VAT1L: variants seen among roughly 807,000 people sequenced by gnomAD.
The protein encoded by VAT1L is putative NADPH-dependent quinone oxidoreductase VAT1L.
In VAT1L, 34 loss-of-function variants were observed where a neutral mutation model predicts 44.1. That is an observed-to-expected ratio of 0.77 (90% CI 0.59 to 1.03). VAT1L has a LOEUF of 1.03. Among genes scored for constraint, VAT1L ranks in the 50% least tolerant of loss-of-function variants. The pLI is 0.00. For synonymous variants in VAT1L, 253 were observed against 202.2 expected (o/e 1.25, Z -2.13); for missense variants, 615 against 538.8 (o/e 1.14, Z -1.40).
intron 7 of VAT1L, among the ~76,000 whole-genome samples, chr16:77,890,230 G>A (rs2017250351): frequency 6.6e-6 from 1 of 152,042 alleles, no homozygotes; most frequent in African/African-American, 2.4e-5. Flanking sequence ...GGCACAGCAT[G>A]AACAACATCA....
intron 3 of VAT1L, among the ~76,000 whole-genome samples, chr16:77,826,649 T>C (rs1467208978): frequency 1.3e-5 from 2 of 152,180 alleles, no homozygotes; most frequent in Non-Finnish European, 2.9e-5. Context: ...TCAGTGTATA[T>C]TGCATGCCTG....
intron 7 of VAT1L, among the ~76,000 whole-genome samples, chr16:77,893,113 C>T (rs772561969): frequency 7.2e-5 from 11 of 152,222 alleles, no homozygotes; most frequent in Non-Finnish European, 1.6e-4. Context: ...GAAATAAAAA[C>T]TAAATAACAA....
At chr16:77,968,454 G>C (rs577564695) in intron 7 of VAT1L, among the ~76,000 whole-genome samples, 1 of 152,280 alleles carries the variant, frequency 6.6e-6, no homozygotes, top group South Asian at 2.1e-4. Flanking sequence ...GGCTGGGCGC[G>C]GTGGCTCACG....
intron 7 of VAT1L, among the ~76,000 whole-genome samples, chr16:77,885,398 G>A (rs574187483): frequency 3.9e-5 from 6 of 152,256 alleles, no homozygotes; most frequent in African/African-American, 1.4e-4. Context: ...AGCATGAACT[G>A]GTTGTATTGG....
intron 8 of VAT1L, among the ~76,000 whole-genome samples, chr16:77,973,599 C>T (rs2018303631): frequency 6.8e-6 from 1 of 148,098 alleles, no homozygotes; most frequent in African/African-American, 2.5e-5. Flanking sequence ...TTATCTTTAA[C>T]AGAAAAAATA....
At chr16:77,799,302 C>G (rs1378656116) in intron 1 of VAT1L, among the ~76,000 whole-genome samples, 3 of 150,800 alleles carry the variant, frequency 2.0e-5, no homozygotes, top group Non-Finnish European at 4.4e-5. Context: ...CTCTCCTTCC[C>G]TTCTTTTCCC....
intron 1 of VAT1L, among the ~76,000 whole-genome samples, chr16:77,808,603 TG>T (rs1451726586): frequency 6.6e-6 from 1 of 152,134 alleles, no homozygotes; most frequent in African/African-American, 2.4e-5. Context: ...TTTTTGTTTT[TG>T]TTTTTTTTGA....
chr16:77,807,198 T>G (rs1432163308), intron 1 of VAT1L, among the ~76,000 whole-genome samples: 1 of 152,174 alleles, frequency 6.6e-6, no homozygotes, highest in Non-Finnish European at 1.5e-5. Flanking sequence ...GAGATCACAC[T>G]ACTCTTCTTG....
intron 3 of VAT1L, among the ~76,000 whole-genome samples, chr16:77,849,840 C>G (rs2016791367): frequency 6.6e-6 from 1 of 152,214 alleles, no homozygotes; most frequent in Non-Finnish European, 1.5e-5. Flanking sequence ...AACAGAACCT[C>G]AGCCGCAGGA....
chr16:77,849,312 A>G (rs2016786320), intron 3 of VAT1L, among the ~76,000 whole-genome samples: 1 of 152,254 alleles, frequency 6.6e-6, no homozygotes, highest in Non-Finnish European at 1.5e-5. Flanking sequence ...TGAAAGGAAC[A>G]GGGCGTTGCA....
chr16:77,971,276 A>G (rs375167622), intron 7 of VAT1L, among the ~76,000 whole-genome samples: 2 of 152,202 alleles, frequency 1.3e-5, no homozygotes, highest in African/African-American at 4.8e-5. Flanking sequence ...CAAGCCCCCA[A>G]CATTTGAAAA....
intron 3 of VAT1L, among the ~76,000 whole-genome samples, chr16:77,845,434 T>C (rs1274044589): frequency 6.6e-6 from 1 of 152,134 alleles, no homozygotes; most frequent in Non-Finnish European, 1.5e-5. Flanking sequence ...GCTTTGTTGT[T>C]CACAGGGGTA....
chr16:77,972,204 C>T (rs2018286198), intron 8 of VAT1L, among the ~76,000 whole-genome samples: 1 of 152,228 alleles, frequency 6.6e-6, no homozygotes, highest in Non-Finnish European at 1.5e-5. Flanking sequence ...CTGTCTATTA[C>T]AGCTGCTAGC....
chr16:77,903,715 A>G, intron 7 of VAT1L, among the ~76,000 whole-genome samples: 1 of 149,036 alleles, frequency 6.7e-6, no homozygotes, highest in East Asian at 2.0e-4. Context: ...TGCCAAAGTA[A>G]TTGCGGTTTC....
At chr16:77,958,057 G>A (rs2018122778) in intron 7 of VAT1L, among the ~76,000 whole-genome samples, 1 of 152,048 alleles carries the variant, frequency 6.6e-6, no homozygotes, top group African/African-American at 2.4e-5. Flanking sequence ...ACAGGCATGT[G>A]CTACCAGTCC....
At chr16:77,845,606 C>T (rs181385426) in intron 3 of VAT1L, among the ~76,000 whole-genome samples, 233 of 152,266 alleles carry the variant, frequency 1.5e-3, no homozygotes, top group African/African-American at 5.4e-3. Flanking sequence ...TGATGATCAG[C>T]CAAGATGAAC....
intron 1 of VAT1L, among the ~76,000 whole-genome samples, chr16:77,792,971 C>A (rs562647074): frequency 1.3e-5 from 2 of 151,944 alleles, no homozygotes; most frequent in Admixed American, 1.3e-4. Flanking sequence ...TTTTGGTTGC[C>A]GTATAAACTT....
chr16:77,941,875 C>A (rs1453420029), intron 7 of VAT1L, among the ~76,000 whole-genome samples: 1 of 152,118 alleles, frequency 6.6e-6, no homozygotes, highest in Admixed American at 6.5e-5. Context: ...AGACACAAAC[C>A]ACCACACCCA....
At chr16:77,859,138 A>G (rs1000274610) in intron 3 of VAT1L, among the ~76,000 whole-genome samples, 8 of 151,522 alleles carry the variant, frequency 5.3e-5, no homozygotes, top group Non-Finnish European at 1.0e-4. Context: ...TCCATCTCAA[A>G]AAAAAAAAAA....
Sources: allele counts gnomAD v4.1 joint callset (sites outside exome capture counted in the v4.1 genomes callset), GRCh38; gene constraint gnomAD v4.1.1; transcripts MANE v1.5; gene names NCBI Gene and HGNC (gene_info 2026-07-23, HGNC 2026-07-21).